Variants in AKAP6 observed in about 807,000 individuals in gnomAD.
AKAP6 encodes A-kinase anchor protein 6.
In AKAP6, 58 loss-of-function variants were observed where a neutral mutation model predicts 188.5. The ratio of observed to expected loss-of-function variants is 0.31; its 90% CI spans 0.25 to 0.38. The LOEUF is 0.38. Ranked by LOEUF, AKAP6 falls within the 10% of genes least tolerant of loss-of-function variation. The probability of loss-of-function intolerance (pLI) is 1.00; values close to 1 mark genes in which losing one functional copy is unlikely to be tolerated. For synonymous variants in AKAP6, 989 were observed against 998.6 expected (o/e 0.99, Z 0.18); for missense variants, 2,710 against 2,740.0 (o/e 0.99, Z 0.24).
At chr14:32,732,375 C>T in intron 9 of AKAP6, 79 bp from the exon 10 acceptor site, 5 of 1,485,994 alleles carry the variant, frequency 3.4e-6, no homozygotes, top group Non-Finnish European at 4.5e-6. Context: ...TGCTCGTAAG[C>T]ATCACAAATT....
intron 8 of AKAP6, among the ~76,000 whole-genome samples, chr14:32,684,979 G>A (rs1444052593): frequency 2.0e-5 from 3 of 152,188 alleles, no homozygotes; most frequent in Middle Eastern, 3.4e-3. Context: ...GGCGGGGCTG[G>A]GCACAGTGGC....
chr14:32,819,953 G>A (rs2034477996), intron 12 of AKAP6, among the ~76,000 whole-genome samples: 1 of 151,770 alleles, frequency 6.6e-6, no homozygotes, highest in African/African-American at 2.4e-5. Flanking sequence ...GTCAAAAAAA[G>A]AAATACATAT....
At chr14:32,688,769 A>C (rs1161083970) in intron 8 of AKAP6, among the ~76,000 whole-genome samples, 1 of 152,070 alleles carries the variant, frequency 6.6e-6, no homozygotes, top group African/African-American at 2.4e-5. Context: ...CAGTAAGAAC[A>C]GTTCTGTAAG....
At chr14:32,667,563 T>C (rs1042420433) in intron 7 of AKAP6, among the ~76,000 whole-genome samples, 1 of 152,142 alleles carries the variant, frequency 6.6e-6, no homozygotes. Flanking sequence ...AAAATTTATA[T>C]TGATTTTTAT....
rs374924453 is a variant in AKAP6 at position 32,823,060 on chromosome 14, T to A, written c.5247T>A (p.Asp1749Glu). ...NVSCTSACTD[D>E]EDDSDLLSSS... ...CTTGCACCTCTGCTTGCACTGATGA[T>A]GAAGATGACAGCGACCTGCTCTCCA... The change falls in exon 13 of 14, where the codon GAT becomes GAA. Residue 1749 changes from aspartate to glutamate, a missense_variant. By Grantham distance (45) the Asp-to-Glu change is conservative. Transcript: ENST00000280979. 1.2e-5 allele frequency: 19 copies of A among 1,613,668 alleles called. No individual in the cohort carries two copies. The African/African-American group carries it at 2.4e-4, about 20-fold the overall frequency.
chr14:32,456,301 T>C lies in AKAP6; in HGVS notation c.324+22484T>C, dbSNP rs140839738. 1.6e-3 allele frequency among the ~76,000 whole-genome samples: 244 copies of C among 152,320 alleles called. 1 individual carries two copies. The highest frequency in any genetic ancestry group is 5.4e-3 in the African/African-American group (225 of 41,562). On this transcript the variant is annotated intron_variant, in intron 2 of 13. Transcript: ENST00000280979. ...TCAATGTCATTAGTGCCATCTTACT[T>C]AATTTGTCAAATCTTTCAAAATGAA...
intron 4 of AKAP6, among the ~76,000 whole-genome samples, chr14:32,551,267 C>T (rs1004312098): frequency 6.6e-6 from 1 of 152,128 alleles, no homozygotes; most frequent in Admixed American, 6.6e-5. Context: ...ACTACTCTGA[C>T]CATCTTTTAA....
chr14:32,826,368 C>T (rs2034673455), intron 13 of AKAP6, among the ~76,000 whole-genome samples: 2 of 152,156 alleles, frequency 1.3e-5, no homozygotes, highest in Non-Finnish European at 2.9e-5. Context: ...TCACATTCTC[C>T]ATCAGTATGC....
rs74836394 is a variant in AKAP6 at position 32,514,800 on chromosome 14, G to T, written c.325-20754G>T. On this transcript the variant is annotated intron_variant, in intron 2 of 13. Transcript: ENST00000280979. ...TGTGTATACCTCTTGCCTGGGAAAG[G>T]ATAAGTAGGAGGGTGGAGGAGTAAT... Among the ~76,000 whole-genome samples the T allele has an allele frequency of 8.8e-3, 1,337 of 152,298 alleles. 11 individuals are homozygous for T. The highest frequency in any genetic ancestry group is 0.019 in the African/African-American group (788 of 41,578).
intron 2 of AKAP6, among the ~76,000 whole-genome samples, chr14:32,515,358 G>A (rs1881467180): frequency 6.6e-6 from 1 of 152,068 alleles, no homozygotes; most frequent in Admixed American, 6.6e-5. Context: ...TGGGGACACA[G>A]CAAAACTATA....
intron 2 of AKAP6, among the ~76,000 whole-genome samples, chr14:32,492,355 T>TAGAGAG (rs1555333490): frequency 7.5e-4 from 62 of 82,538 alleles, no homozygotes; most frequent in Non-Finnish European, 9.3e-4. Context: ...TATATATATA[T>TAGAGAG]AGAGAGAGAG....
intron 7 of AKAP6, among the ~76,000 whole-genome samples, chr14:32,627,431 T>A (rs978096009): frequency 6.6e-6 from 1 of 152,092 alleles, no homozygotes; most frequent in African/African-American, 2.4e-5. Context: ...TGCCACAAAT[T>A]AGAATTATTT....
intron 12 of AKAP6, among the ~76,000 whole-genome samples, chr14:32,818,649 T>C (rs140649546): frequency 1.3e-5 from 2 of 152,316 alleles, no homozygotes; most frequent in East Asian, 1.9e-4. Context: ...TAGGTGCTGC[T>C]ATAAATTTTA....
At chr14:32,781,081 C>G (rs1310674588) in intron 12 of AKAP6, among the ~76,000 whole-genome samples, 1 of 150,686 alleles carries the variant, frequency 6.6e-6, no homozygotes, top group African/African-American at 2.4e-5. Context: ...ATAATAAAAT[C>G]AAAGCAGAAA....
intron 1 of AKAP6, among the ~76,000 whole-genome samples, chr14:32,380,540 G>A (rs1267569467): frequency 6.6e-6 from 1 of 152,180 alleles, no homozygotes; most frequent in Non-Finnish European, 1.5e-5. Context: ...TTGAAGTTGT[G>A]TTTTATGTTA....
At chr14:32,584,743 A>G (rs1299245392) in intron 5 of AKAP6, among the ~76,000 whole-genome samples, 2 of 152,078 alleles carry the variant, frequency 1.3e-5, no homozygotes, top group Non-Finnish European at 2.9e-5. Flanking sequence ...ATAAAACAAT[A>G]TGTATTTTTT....
intron 2 of AKAP6, among the ~76,000 whole-genome samples, chr14:32,525,526 A>G (rs1951179): frequency 0.81 from 122,959 of 152,172 alleles, 50,316 homozygotes; most frequent in African/African-American, 0.91. Flanking sequence ...CATCTTCATC[A>G]TTCTCTTTCT....
intron 4 of AKAP6, among the ~76,000 whole-genome samples, chr14:32,576,675 C>G (rs1332095101): frequency 6.6e-6 from 1 of 152,144 alleles, no homozygotes; most frequent in African/African-American, 2.4e-5. Flanking sequence ...CTAAACTCCA[C>G]AGGCTTCTGG....
intron 9 of AKAP6, among the ~76,000 whole-genome samples, chr14:32,726,946 G>A (rs952536510): frequency 3.9e-5 from 6 of 152,064 alleles, no homozygotes; most frequent in African/African-American, 1.4e-4. Flanking sequence ...GGGACTGCTG[G>A]GAATATGACT....
Sources: gnomAD v4.1 joint callset for allele counts (sites outside exome capture counted in the v4.1 genomes callset) on GRCh38, gnomAD v4.1.1 for gene constraint, MANE v1.5 for transcripts, NCBI Gene and HGNC (gene_info 2026-07-23, HGNC 2026-07-21) for gene names.